Variants in ORC2 observed in about 807,000 individuals in gnomAD.
The protein encoded by ORC2 is origin recognition complex subunit 2, also known as origin recognition complex protein 2 homolog.
A neutral mutation model predicts 77.7 loss-of-function variants in ORC2; 37 were observed. The observed-to-expected ratio is 0.48, with a 90% CI of 0.37 to 0.63. The LOEUF is 0.63. Among genes scored for constraint, ORC2 ranks in the 20% least tolerant of loss-of-function variants. The pLI, the probability that ORC2 is intolerant of heterozygous loss-of-function variation, is 0.00. For missense variants in ORC2, 557 were observed against 661.9 expected (o/e 0.84, Z 1.74); for synonymous variants, 201 against 229.5 (o/e 0.88, Z 1.12).
intron 4 of ORC2, among the ~76,000 whole-genome samples, chr2:200,956,142 C>T (rs2041460300): frequency 6.6e-6 from 1 of 152,236 alleles, no homozygotes; most frequent in African/African-American, 2.4e-5. Context: ...TCACAGCTCA[C>T]TGTAGCCTCA....
chr2:200,928,047 AAAG>A (rs2040873420), intron 11 of ORC2, among the ~76,000 whole-genome samples: 1 of 152,088 alleles, frequency 6.6e-6, no homozygotes, highest in South Asian at 2.1e-4. Context: ...CTAAAAAAAA[AAAG>A]TATTCTTTTT....
chr2:200,932,905 T>C lies in ORC2; in HGVS notation c.807+971A>G, dbSNP rs552334988. Among the ~76,000 whole-genome samples the C allele has an allele frequency of 5.9e-5, 9 of 152,342 alleles. No individual in the cohort carries two copies. In the South Asian group the frequency reaches 1.4e-3, roughly 25 times the overall value. On this transcript the variant is annotated intron_variant, in intron 10 of 17. Transcript: ENST00000234296. ...GACTTGCAGACATGAAAAATGCTTA[T>C]TGTCACATGCTACTGAAGATTGTAT... is the stretch of plus-strand genomic sequence containing the variant.
At chr2:200,929,517 G>A (rs1013133828) in intron 11 of ORC2, among the ~76,000 whole-genome samples, 14 of 152,096 alleles carry the variant, frequency 9.2e-5, no homozygotes, top group African/African-American at 1.4e-4. Flanking sequence ...AGGGCTGGGC[G>A]CTGTGGCTCA....
chr2:200,952,137 G>A (rs1333465731), intron 4 of ORC2, among the ~76,000 whole-genome samples: 2 of 151,930 alleles, frequency 1.3e-5, no homozygotes, highest in Non-Finnish European at 2.9e-5. Flanking sequence ...TACTTCTACA[G>A]TATATCTAGT....
chr2:200,920,215 T>A lies in ORC2; in HGVS notation c.1466+7A>T, dbSNP rs2040731458. The A allele has an allele frequency of 1.2e-6, 2 of 1,605,330 alleles. No individual in the cohort carries two copies. Among genetic ancestry groups the A allele is most frequent in the Non-Finnish European group, 8.5e-7 (1 of 1,175,820 alleles). On this transcript the variant is annotated splice_region_variant and intron_variant, in intron 15 of 17. Transcript: ENST00000234296. ...TTTTAAAAAAGAAATATGGTTTTCA[T>A]CCTTACCTTGCATTAGGGGTAAGGC...
Position 200,926,809 on chromosome 2 carries a change from C to T in ORC2, c.1009G>A (p.Val337Ile), listed in dbSNP as rs200708425. The T allele has an allele frequency of 1.6e-5, 26 of 1,613,862 alleles. No individual in the cohort carries two copies. Among genetic ancestry groups the T allele is most frequent in the Middle Eastern group, 1.6e-4 (1 of 6,084 alleles). Residue 337 changes from valine (V) to isoleucine (I), a missense_variant, in exon 12 of 18, where the codon GTT (valine) becomes ATT (isoleucine). Coordinates refer to ENST00000234296, the MANE Select transcript of ORC2 (RefSeq NM_006190.5). ...CCAGGAAAGAAGCCATTGATGACAA[C>T]GTGAATGGAATCTTGCAGCATAGTG... ...RTTMLQDSIHVVINGFFPGIS... is the reference protein window; with the variant it reads ...RTTMLQDSIHIVINGFFPGIS...
intron 7 of ORC2, among the ~76,000 whole-genome samples, chr2:200,939,730 C>T (rs1324314596): frequency 6.6e-6 from 1 of 152,162 alleles, no homozygotes; most frequent in African/African-American, 2.4e-5. Context: ...TCTGTCACAA[C>T]GATGTTGTCT....
At chr2:200,960,571 C>T (rs545013627) in intron 1 of ORC2, among the ~76,000 whole-genome samples, 18 of 152,122 alleles carry the variant, frequency 1.2e-4, no homozygotes, top group Non-Finnish European at 2.1e-4. Flanking sequence ...CTGTATTAGG[C>T]ACATTTATGT....
At chr2:200,916,983 T>C (rs2040665978) in intron 15 of ORC2, among the ~76,000 whole-genome samples, 1 of 146,632 alleles carries the variant, frequency 6.8e-6, no homozygotes, top group East Asian at 2.0e-4. Context: ...TGTGAGCCAC[T>C]GTGCCCCACC....
Position 200,910,577 on chromosome 2 carries a change from A to G in ORC2, c.*724T>C, listed in dbSNP as rs1405694779. ...TTCTCTAGCCTGGCTTCTCACTGGTATCATGAAGGTCATGGCACAGACAAT... is the reference window on the plus strand; with the variant it reads ...TTCTCTAGCCTGGCTTCTCACTGGTGTCATGAAGGTCATGGCACAGACAAT... On this transcript the variant is annotated 3_prime_UTR_variant, in exon 18 of 18. Coordinates refer to ENST00000234296, the MANE Select transcript of ORC2 (RefSeq NM_006190.5). 1.3e-5 allele frequency: 2 copies of G among 152,216 alleles called. No individual in the cohort carries two copies. Among genetic ancestry groups the G allele is most frequent in the East Asian group, 1.9e-4 (1 of 5,202 alleles). The allele number at this position is 152,216 out of a possible 1,614,324, so 9.4% of individuals were successfully genotyped here.
At chr2:200,949,521 G>GT (rs757040493) in intron 5 of ORC2, 33 bp downstream of exon 5, 2 of 1,130,724 alleles carry the variant, frequency 1.8e-6, no homozygotes. Flanking sequence ...GGAAAGATGA[G>GT]TAATAGTTAT....
intron 5 of ORC2, among the ~76,000 whole-genome samples, chr2:200,945,149 A>C (rs1440188426): frequency 6.6e-6 from 1 of 152,192 alleles, no homozygotes; most frequent in East Asian, 1.9e-4. Context: ...TTAATCATCT[A>C]CATGCACACT....
intron 9 of ORC2, among the ~76,000 whole-genome samples, chr2:200,935,008 G>A (rs957178421): frequency 2.6e-5 from 4 of 152,112 alleles, no homozygotes; most frequent in African/African-American, 9.7e-5. Context: ...ATTGACAATG[G>A]TACAAAAACA....
Position 200,931,445 on chromosome 2 carries a change from T to G in ORC2, c.811A>C (p.Thr271Pro). Residue 271 changes from threonine (T) to proline (P), a missense_variant, in exon 11 of 18, where the codon ACT becomes CCT. Thr to Pro is a conservative substitution (Grantham distance 38). Coordinates refer to ENST00000234296, the MANE Select transcript of ORC2 (RefSeq NM_006190.5). ...ACCTTGCTCAATAAGTTACGCAAAG[T>G]TTGCTTTAAAAAAAAGGAGGAGGGG... ...KLKRAKLDQQ[T>P]LRNLLSKVSP... is the part of the protein sequence containing the mutation. 1 of 1,551,418 alleles carries G rather than the reference T, an allele frequency of 6.4e-7. No individual in the cohort carries two copies. The highest frequency in any genetic ancestry group is 8.7e-7 in the Non-Finnish European group (1 of 1,149,568).
chr2:200,946,874 G>A (rs2041258753), intron 5 of ORC2, among the ~76,000 whole-genome samples: 1 of 152,006 alleles, frequency 6.6e-6, no homozygotes, highest in South Asian at 2.1e-4. Context: ...CTCCTATACA[G>A]GATTCAGTCA....
chr2:200,960,483 G>C (rs777673105), intron 1 of ORC2, among the ~76,000 whole-genome samples: 2 of 151,558 alleles, frequency 1.3e-5, no homozygotes, highest in Non-Finnish European at 2.9e-5. Context: ...GGGTGTATTA[G>C]AGAAAAAGTT....
chr2:200,950,143 A>C (rs1319550730), intron 4 of ORC2, among the ~76,000 whole-genome samples: 2 of 152,136 alleles, frequency 1.3e-5, no homozygotes, highest in Admixed American at 6.6e-5. Context: ...CATCCTGGCT[A>C]ACACAGTGAA....
Position 200,939,223 on chromosome 2 carries a change from T to C in ORC2, c.454-1257A>G, listed in dbSNP as rs1156864966. Among the ~76,000 whole-genome samples the C allele has an allele frequency of 2.0e-5, 3 of 152,134 alleles. No individual in the cohort carries two copies. In the East Asian group the frequency reaches 5.8e-4, roughly 29 times the overall value. ...TATAAAACAGAAATTTAAAATTCTG[T>C]TCTACTTCATTTGTTAAAAATGCAG... On this transcript the variant is annotated intron_variant, in intron 7 of 17. Coordinates refer to ENST00000234296, the MANE Select transcript of ORC2 (RefSeq NM_006190.5).
intron 16 of ORC2, 68 bp downstream of exon 16, chr2:200,913,863 T>G: frequency 6.6e-7 from 1 of 1,515,168 alleles, no homozygotes; most frequent in South Asian, 1.3e-5. Context: ...TGTCATTAAA[T>G]TCCAGAGACA....
Sources: gnomAD v4.1 joint callset for allele counts (sites outside exome capture counted in the v4.1 genomes callset) on GRCh38, gnomAD v4.1.1 for gene constraint, MANE v1.5 for transcripts, NCBI Gene and HGNC (gene_info 2026-07-23, HGNC 2026-07-21) for gene names.